Variants in RNF13 observed in about 807,000 individuals in gnomAD.
The protein encoded by RNF13 is E3 ubiquitin-protein ligase RNF13.
RNF13 carries 19 observed loss-of-function variants against 37.7 expected under a neutral mutation model. The ratio of observed to expected loss-of-function variants is 0.50; its 90% CI spans 0.35 to 0.74. The LOEUF (loss-of-function observed/expected upper bound fraction) is 0.74, where lower values mean the gene tolerates loss of function less well. Among genes scored for constraint, RNF13 ranks in the 30% least tolerant of loss-of-function variants. RNF13 has a pLI of 0.01. For missense variants in RNF13, 375 were observed against 453.0 expected (o/e 0.83, Z 1.56); for synonymous variants, 144 against 157.8 (o/e 0.91, Z 0.65).
chr3:149,961,907 C>CTA lies in RNF13; in HGVS notation c.*805_*806dup, dbSNP rs1722476299. The CTA allele has an allele frequency of 6.5e-6, 1 of 152,756 alleles. No individual in the cohort carries two copies. The highest frequency in any genetic ancestry group is 2.1e-4 in the South Asian group (1 of 4,836). The allele number at this position is 152,756 out of a possible 1,614,324, so 9.5% of individuals were successfully genotyped here. On this transcript the variant is annotated 3_prime_UTR_variant, in exon 10 of 10. Coordinates refer to ENST00000392894, the MANE Select transcript of RNF13 (RefSeq NM_183381.3). ...TCTTATGCTAATTAGCCCTGCTAAA[C>CTA]TATGTACAGAGGAAACTGTTCAAGT...
intron 1 of RNF13, among the ~76,000 whole-genome samples, chr3:149,833,212 C>T (rs1345454561): frequency 6.6e-6 from 1 of 150,810 alleles, no homozygotes; most frequent in Admixed American, 6.6e-5. Context: ...CTCTGCCTCC[C>T]AGGTTTAAGA....
At position 149,921,136 on chromosome 3, in the gene RNF13, C is replaced by G. The variant is rs1477952977; in HGVS notation, c.609C>G (p.Ile203Met). 1.5e-6 allele frequency: 2 copies of G among 1,322,590 alleles called. No individual in the cohort carries two copies. Among genetic ancestry groups the G allele is most frequent in the East Asian group, 2.8e-5 (1 of 36,066 alleles). The allele number at this position is 1,322,590 out of a possible 1,614,324, so 81.9% of individuals were successfully genotyped here. A position where few individuals can be genotyped will look rare whatever the true frequency, so the allele number is the denominator to read the frequency against. ...ICLILIVIFM[I>M]TKFVQDRHRA... ...TTTTTTTACTCTTTTATTTTTAGATCACAAAATTTGTCCAGGATAGACATA... is the reference window on the plus strand; with the variant it reads ...TTTTTTTACTCTTTTATTTTTAGATGACAAAATTTGTCCAGGATAGACATA... Residue 203 changes from isoleucine to methionine, a missense_variant and splice_region_variant, in exon 8 of 10, where the codon ATC (isoleucine) becomes ATG (methionine). Ile to Met is a conservative substitution (Grantham distance 10, BLOSUM62 1). Transcript: ENST00000392894.
intron 1 of RNF13, among the ~76,000 whole-genome samples, chr3:149,836,347 A>G (rs142852704): frequency 2.0e-5 from 3 of 152,282 alleles, no homozygotes; most frequent in Admixed American, 1.3e-4. Flanking sequence ...ACATGAAAAG[A>G]TGCTCAACAT....
intron 4 of RNF13, among the ~76,000 whole-genome samples, chr3:149,883,854 C>T (rs1713704492): frequency 1.3e-5 from 2 of 152,242 alleles, no homozygotes; most frequent in Middle Eastern, 3.4e-3. Context: ...TGCTCTCTCT[C>T]CCCCGACCCT....
At chr3:149,867,037 C>T (rs1039067527) in intron 3 of RNF13, among the ~76,000 whole-genome samples, 7 of 152,058 alleles carry the variant, frequency 4.6e-5, no homozygotes, top group Non-Finnish European at 5.9e-5. Context: ...CAGGACTTTT[C>T]GGTTATTGAT....
At chr3:149,905,961 G>A (rs191923581) in intron 6 of RNF13, among the ~76,000 whole-genome samples, 6 of 152,148 alleles carry the variant, frequency 3.9e-5, no homozygotes, top group Admixed American at 2.0e-4. Flanking sequence ...TAGAAACCCC[G>A]TACACATTTG....
chr3:149,913,846 G>A (rs1341781227), intron 7 of RNF13, among the ~76,000 whole-genome samples: 1 of 152,190 alleles, frequency 6.6e-6, no homozygotes, highest in Non-Finnish European at 1.5e-5. Flanking sequence ...GGTTAAGGTA[G>A]TGTTTGCTGA....
intron 2 of RNF13, among the ~76,000 whole-genome samples, chr3:149,848,471 A>G (rs949864165): frequency 2.0e-5 from 3 of 152,218 alleles, no homozygotes; most frequent in African/African-American, 4.8e-5. Context: ...ATGTGTGACA[A>G]TCATTCAAAG....
At chr3:149,895,658 C>G in intron 5 of RNF13, 98 bp downstream of exon 5, 1 of 721,576 alleles carries the variant, frequency 1.4e-6, no homozygotes, top group Non-Finnish European at 2.3e-6. Flanking sequence ...TTTTAAAAAG[C>G]AAAATTTCTT....
At chr3:149,883,560 T>G (rs2108466764) in intron 4 of RNF13, among the ~76,000 whole-genome samples, 1 of 152,312 alleles carries the variant, frequency 6.6e-6, no homozygotes, top group South Asian at 2.1e-4. Context: ...TAAATTATAA[T>G]TTATAGCTGT....
chr3:149,928,870 T>C (rs952462708), intron 8 of RNF13, among the ~76,000 whole-genome samples: 1 of 152,170 alleles, frequency 6.6e-6, no homozygotes, highest in African/African-American at 2.4e-5. Context: ...GCCATGTAAT[T>C]TTCAGTCTAT....
chr3:149,819,406 A>T (rs1340577531), intron 1 of RNF13, among the ~76,000 whole-genome samples: 4 of 152,106 alleles, frequency 2.6e-5, no homozygotes, highest in African/African-American at 9.7e-5. Context: ...AATAAGCCAT[A>T]GTATTTTAGA....
intron 1 of RNF13, among the ~76,000 whole-genome samples, chr3:149,822,327 G>T (rs1038734708): frequency 2.0e-5 from 3 of 152,028 alleles, no homozygotes; most frequent in Non-Finnish European, 4.4e-5. Context: ...AGTTTTCGGT[G>T]TACAAGTCTC....
At chr3:149,893,016 A>C (rs898981798) in intron 4 of RNF13, among the ~76,000 whole-genome samples, 1 of 152,024 alleles carries the variant, frequency 6.6e-6, no homozygotes, top group Non-Finnish European at 1.5e-5. Context: ...TTCAGAAGAC[A>C]AAGCCAGTTC....
At chr3:149,940,821 C>T (rs958616250) in intron 8 of RNF13, among the ~76,000 whole-genome samples, 2 of 152,126 alleles carry the variant, frequency 1.3e-5, no homozygotes, top group African/African-American at 4.8e-5. Flanking sequence ...CACTAAGACT[C>T]TGTACCCACT....
chr3:149,848,448 A>G (rs1722842817), intron 2 of RNF13, among the ~76,000 whole-genome samples: 1 of 152,190 alleles, frequency 6.6e-6, no homozygotes, highest in African/African-American at 2.4e-5. Flanking sequence ...AAAAATTGAG[A>G]CAGAGGAACT....
At chr3:149,946,138 G>A (rs553887755) in intron 8 of RNF13, among the ~76,000 whole-genome samples, 40 of 152,280 alleles carry the variant, frequency 2.6e-4, no homozygotes, top group Admixed American at 9.2e-4. Flanking sequence ...GAGGAAGTGC[G>A]AACCCATCCC....
intron 4 of RNF13, among the ~76,000 whole-genome samples, chr3:149,878,321 G>A (rs888992797): frequency 2.0e-5 from 3 of 152,100 alleles, no homozygotes; most frequent in Non-Finnish European, 4.4e-5. Context: ...AGATGGGATC[G>A]AAAGAAAGAG....
chr3:149,893,598 T>A (rs1470964688), intron 4 of RNF13, among the ~76,000 whole-genome samples: 1 of 152,204 alleles, frequency 6.6e-6, no homozygotes, highest in Non-Finnish European at 1.5e-5. Flanking sequence ...GGTAATATAA[T>A]GCAGAAATAA....
Sources: allele counts gnomAD v4.1 joint callset (sites outside exome capture counted in the v4.1 genomes callset), GRCh38; gene constraint gnomAD v4.1.1; transcripts MANE v1.5; gene names NCBI Gene and HGNC (gene_info 2026-07-23, HGNC 2026-07-21).